FOXRED2: variants seen among roughly 807,000 people sequenced by gnomAD.
FOXRED2 encodes the protein FAD-dependent oxidoreductase domain-containing protein 2.
FOXRED2 carries 32 observed loss-of-function variants against 52.5 expected under a neutral mutation model. The ratio of observed to expected loss-of-function variants is 0.61; its 90% CI spans 0.46 to 0.82. The LOEUF (loss-of-function observed/expected upper bound fraction) is 0.82, where lower values mean the gene tolerates loss of function less well. FOXRED2 is among the 40% of genes least tolerant of loss of function. The pLI is 0.00. For missense variants in FOXRED2, 848 were observed against 937.5 expected, an observed-to-expected ratio of 0.90 and a Z score of 1.25; for synonymous variants, 405 against 398.1, an observed-to-expected ratio of 1.02 and a Z score of -0.21.
At chr22:36,491,704 T>C (rs1449190687) in intron 8 of FOXRED2, among the ~76,000 whole-genome samples, 3 of 152,094 alleles carry the variant, frequency 2.0e-5, no homozygotes, top group African/African-American at 7.2e-5. Context: ...CATCCAGAAA[T>C]AGATGCTGCC....
At chr22:36,501,144 C>G (rs1934030956) in intron 5 of FOXRED2, 97 bp downstream of exon 5, 1 of 1,266,060 alleles carries the variant, frequency 7.9e-7, no homozygotes, top group Non-Finnish European at 1.1e-6. Context: ...GACAAGCAAT[C>G]CCCTAATGCT....
chr22:36,506,038 G>A lies in FOXRED2; in HGVS notation c.385C>T (p.Leu129=). ...CCCAGCGTGTCCGCGAAGTCACCCA[G>A]GTAGCGCACCATGTCGCGGGCGTCG... ...FPDARDMVRY[L]GDFADTLGLR... is the part of the protein sequence containing the mutation. Residue 129 remains leucine, a synonymous_variant, in exon 2 of 9, where the codon CTG becomes TTG. Coordinates refer to ENST00000397224, the MANE Select transcript of FOXRED2 (RefSeq NM_001102371.2). 1.2e-6 allele frequency: 2 copies of A among 1,614,268 alleles called. No individual in the cohort carries two copies. Among genetic ancestry groups the A allele is most frequent in the Non-Finnish European group, 8.5e-7 (1 of 1,180,054 alleles).
In FOXRED2 at chr22:36,498,169, G is replaced by C; in HGVS notation, c.1217-13C>G. On this transcript the variant is annotated splice_polypyrimidine_tract_variant and intron_variant, in intron 5 of 8. Coordinates refer to ENST00000397224, the MANE Select transcript of FOXRED2 (RefSeq NM_001102371.2). Reference sequence around the variant, plus strand: ...TGAACAGCACGCACTGGAACAGCCAGAGGGAGGAACGGCACGCTGCACTTA... The same window carrying C: ...TGAACAGCACGCACTGGAACAGCCACAGGGAGGAACGGCACGCTGCACTTA... 1 of 1,607,190 alleles carries C rather than the reference G, an allele frequency of 6.2e-7. No individual in the cohort carries two copies. Among genetic ancestry groups the C allele is most frequent in the Non-Finnish European group, 8.5e-7 (1 of 1,178,498 alleles).
rs1365292409 is a variant in FOXRED2 at position 36,506,135 on chromosome 22, G to A, written c.288C>T (p.Arg96=). 1 of 1,614,162 alleles carries A rather than the reference G, an allele frequency of 6.2e-7. No homozygotes were observed. The change falls in exon 2 of 9, where the codon CGC becomes CGT. Residue 96 remains arginine (R), a synonymous_variant. Transcript: ENST00000397224. ...TGKANAEFNL[R]HDWNSLLSHD... ...GGCTGAGCAGAGAGTTCCAGTCGTGGCGGAGGTTGAACTCGGCGTTAGCCT... is the reference window on the plus strand; with the variant it reads ...GGCTGAGCAGAGAGTTCCAGTCGTGACGGAGGTTGAACTCGGCGTTAGCCT...
Position 36,489,794 on chromosome 22 carries a change from C to T in FOXRED2, c.*214G>A, listed in dbSNP as rs1568985062. The T allele has an allele frequency of 4.2e-6, 2 of 481,554 alleles. No homozygotes were observed. The highest frequency in any genetic ancestry group is 7.3e-6 in the Non-Finnish European group (2 of 275,464). The allele number at this position is 481,554 out of a possible 1,614,324, so 29.8% of individuals were successfully genotyped here. On this transcript the variant is annotated 3_prime_UTR_variant, in exon 9 of 9. Transcript: ENST00000397224. Reference sequence around the variant, plus strand: ...CAGCTCCCACCTGGCAGAGGATGCCCTTCTGCCCCCTGACAGGAGGGAGGA... The same window carrying T: ...CAGCTCCCACCTGGCAGAGGATGCCTTTCTGCCCCCTGACAGGAGGGAGGA...
Position 36,504,582 on chromosome 22 carries a change from A to G in FOXRED2, c.712T>C (p.Phe238Leu), listed in dbSNP as rs1310365666. ...TAENILGVTN[F>L]IHMLSRSRVR... ...CGGGAGCGGCTGAGCATATGGATAA[A>G]GTTTGTGACACCCAAGATGTTCTCT... Residue 238 changes from phenylalanine (F) to leucine (L), a missense_variant, in exon 3 of 9, where the codon TTT becomes CTT. Phe to Leu is a conservative substitution (Grantham distance 22, BLOSUM62 0). Coordinates refer to ENST00000397224, the MANE Select transcript of FOXRED2 (RefSeq NM_001102371.2). 5.0e-6 allele frequency: 8 copies of G among 1,614,174 alleles called. No individual in the cohort carries two copies. Among genetic ancestry groups the G allele is most frequent in the Non-Finnish European group, 5.9e-6 (7 of 1,180,028 alleles).
At chr22:36,493,514 C>T in intron 8 of FOXRED2, 119 bp downstream of exon 8, 1 of 738,336 alleles carries the variant, frequency 1.4e-6, no homozygotes, top group East Asian at 2.6e-5. Flanking sequence ...TTGTCGGGAA[C>T]AGTAGTCTGG....
chr22:36,506,138 G>A lies in FOXRED2; in HGVS notation c.285C>T (p.Leu95=). The A allele has an allele frequency of 6.2e-7, 1 of 1,614,286 alleles. No homozygotes were observed. Among genetic ancestry groups the A allele is most frequent in the Non-Finnish European group, 8.5e-7 (1 of 1,180,050 alleles). ...TGAGCAGAGAGTTCCAGTCGTGGCG[G>A]AGGTTGAACTCGGCGTTAGCCTTGC... The part of the protein sequence containing the change: ...YTGKANAEFN[L]RHDWNSLLSH... Residue 95 remains leucine, a synonymous_variant, in exon 2 of 9, where the codon CTC becomes CTT. Transcript: ENST00000397224.
At chr22:36,497,301 CT>C (rs895483943) in intron 6 of FOXRED2, among the ~76,000 whole-genome samples, 8 of 152,128 alleles carry the variant, frequency 5.3e-5, no homozygotes, top group African/African-American at 1.9e-4. Context: ...GATCGCACCA[CT>C]GCACTCCAGC....
chr22:36,505,811 T>A, intron 2 of FOXRED2, 85 bp downstream of exon 2: 1 of 1,360,044 alleles, frequency 7.4e-7, no homozygotes, highest in Non-Finnish European at 1.0e-6. Context: ...CGTCCATTCC[T>A]CCCATACCTA....
Position 36,489,993 on chromosome 22 carries a change from C to T in FOXRED2, c.*15G>A. The stretch of plus-strand genomic sequence containing the variant: ...GGAGGCCTGGCCACTGTGCCCACAG[C>T]TTAGGAAGGGACAGTCAGAGCTCCT... On this transcript the variant is annotated 3_prime_UTR_variant, in exon 9 of 9. Transcript: ENST00000397224. The T allele has an allele frequency of 6.4e-7, 1 of 1,551,824 alleles. No individual in the cohort carries two copies. Among genetic ancestry groups the T allele is most frequent in the Non-Finnish European group, 8.7e-7 (1 of 1,144,872 alleles).
intron 5 of FOXRED2, 131 bp downstream of exon 5, chr22:36,501,110 G>T: frequency 1.0e-6 from 1 of 962,870 alleles, no homozygotes; most frequent in Non-Finnish European, 1.6e-6. Context: ...ACTTCCCCAA[G>T]ACAATTTATG....
rs761446412 is a variant in FOXRED2 at position 36,504,191 on chromosome 22, G to A, written c.956C>T (p.Pro319Leu). The A allele has an allele frequency of 1.7e-5, 28 of 1,614,122 alleles. No individual in the cohort carries two copies. Among genetic ancestry groups the A allele is most frequent in the Non-Finnish European group, 2.4e-5 (28 of 1,180,054 alleles). Residue 319 changes from proline to leucine, a missense_variant, in exon 4 of 9, where the codon CCC becomes CTC. By Grantham distance (98) the Pro-to-Leu change is moderately conservative. Transcript: ENST00000397224. ...GGCAAAGTTGTCATTGTCGTCCTGG[G>A]GGAGGGTGATGGAGTCGGCACTCTG... ...TNQSADSITL[P>L]QDDNDNFAMR... is the part of the protein sequence containing the mutation.
In FOXRED2 at chr22:36,489,864, G is replaced by T; in HGVS notation, c.*144C>A. On this transcript the variant is annotated 3_prime_UTR_variant, in exon 9 of 9. Transcript: ENST00000397224. ...TTCAGCCCTCACGTGCCATCTGGTG[G>T]CTTTGCTGCAGACACTGCCATGATC... 1 of 791,322 alleles carries T rather than the reference G, an allele frequency of 1.3e-6. No individual in the cohort carries two copies. The highest frequency in any genetic ancestry group is 1.8e-6 in the Non-Finnish European group (1 of 541,610). 49.0% of individuals were successfully genotyped at this position (791,322 alleles called of 1,614,324 possible).
chr22:36,503,867 GC>G (rs533248339), intron 4 of FOXRED2, among the ~76,000 whole-genome samples: 68 of 152,316 alleles, frequency 4.5e-4, no homozygotes, highest in Non-Finnish European at 8.7e-4. Context: ...GGCTCCCAAT[GC>G]TGATGAAGAT....
At position 36,500,352 on chromosome 22, in the gene FOXRED2, C is replaced by A. The variant is rs529437807; in HGVS notation, c.1216+889G>T. 2.2e-4 allele frequency among the ~76,000 whole-genome samples: 33 copies of A among 152,300 alleles called. 1 individual carries two copies. The South Asian group carries it at 6.0e-3, about 28-fold the overall frequency. ...GGTCGTGTGTTCAGTGCTCAGCCCA[C>A]TGAAGTCACCCAACATGCGTGAATT... On this transcript the variant is annotated intron_variant, in intron 5 of 8. Coordinates refer to ENST00000397224, the MANE Select transcript of FOXRED2 (RefSeq NM_001102371.2).
Position 36,500,923 on chromosome 22 carries a change from TC to T in FOXRED2, c.1216+317del, listed in dbSNP as rs200578584. ...TTTTATTTTTGAGACCAAGTCTCGC[TC>T]TGTCACCCAGGCTGGAGTGCAGTGG... On this transcript the variant is annotated intron_variant, in intron 5 of 8. Coordinates refer to ENST00000397224, the MANE Select transcript of FOXRED2 (RefSeq NM_001102371.2). 8.1e-3 allele frequency among the ~76,000 whole-genome samples: 1,214 copies of T among 149,006 alleles called. 7 individuals carry two copies. The highest frequency in any genetic ancestry group is 0.014 in the Non-Finnish European group (952 of 67,220).
Position 36,495,994 on chromosome 22 carries a change from T to C in FOXRED2, c.1597A>G (p.Ile533Val), listed in dbSNP as rs1933885314. The change falls in exon 7 of 9, where the codon ATC becomes GTC. Residue 533 changes from isoleucine (I) to valine (V), a missense_variant. Ile to Val is a conservative substitution (Grantham distance 29). Coordinates refer to ENST00000397224, the MANE Select transcript of FOXRED2 (RefSeq NM_001102371.2). ...AWQSNFLHPV[I>V]YYYRYLPTEQ... ...GTGGGGAGGTATCTATAGTAGTAGA[T>C]GACAGGATGAAGAAAGTTAGACTGC... 2 of 1,614,170 alleles carry C rather than the reference T, an allele frequency of 1.2e-6. No individual in the cohort carries two copies. Among genetic ancestry groups the C allele is most frequent in the Non-Finnish European group, 1.7e-6 (2 of 1,180,016 alleles).
chr22:36,493,877 G>A, intron 7 of FOXRED2, 74 bp from the exon 8 acceptor site: 1 of 1,347,416 alleles, frequency 7.4e-7, no homozygotes, highest in Non-Finnish European at 1.0e-6. Flanking sequence ...ACACAGCACG[G>A]ATCCCACACA....
Sources: gnomAD v4.1 joint callset for allele counts (sites outside exome capture counted in the v4.1 genomes callset) on GRCh38, gnomAD v4.1.1 for gene constraint, MANE v1.5 for transcripts, NCBI Gene and HGNC (gene_info 2026-07-23, HGNC 2026-07-21) for gene names.